Variants in CENPP observed in about 807,000 individuals in gnomAD.
CENPP encodes centromere protein P.
A neutral mutation model predicts 35.6 loss-of-function variants in CENPP; 24 were observed. The ratio of observed to expected loss-of-function variants is 0.67; its 90% CI spans 0.49 to 0.95. The LOEUF (loss-of-function observed/expected upper bound fraction) is 0.95, where lower values mean the gene tolerates loss of function less well. CENPP is among the 40% of genes least tolerant of loss of function. The probability of loss-of-function intolerance (pLI) is 0.00; values close to 1 mark genes in which losing one functional copy is unlikely to be tolerated. For synonymous variants in CENPP, 120 were observed against 125.5 expected (o/e 0.96, Z 0.29); for missense variants, 332 against 345.3 (o/e 0.96, Z 0.31).
intron 5 of CENPP, among the ~76,000 whole-genome samples, chr9:92,567,373 G>GATAGATATATATATATAT (rs1554688237): frequency 1.5e-5 from 2 of 129,086 alleles, no homozygotes; most frequent in South Asian, 2.8e-4. Context: ...ACATAAGATA[G>GATAGATATATATATATAT]ATATATATAT....
chr9:92,505,824 C>G (rs1211700692), intron 5 of CENPP: 1 of 687,336 alleles, frequency 1.5e-6, no homozygotes, highest in Non-Finnish European at 2.4e-6. Context: ...CCTTTGTATC[C>G]TCCTATAAAA....
chr9:92,543,965 G>C (rs1229515353), intron 5 of CENPP, among the ~76,000 whole-genome samples: 1 of 152,100 alleles, frequency 6.6e-6, no homozygotes, highest in Non-Finnish European at 1.5e-5. Flanking sequence ...CTCTATATAA[G>C]ATGTCATCTG....
At chr9:92,423,798 A>G (rs925968558) in intron 5 of CENPP, among the ~76,000 whole-genome samples, 2 of 152,024 alleles carry the variant, frequency 1.3e-5, no homozygotes, top group African/African-American at 4.8e-5. Flanking sequence ...ATGCCCATCA[A>G]CCCCCCAACC....
At chr9:92,393,073 C>T in intron 5 of CENPP, 2 of 1,608,290 alleles carry the variant, frequency 1.2e-6, no homozygotes, top group South Asian at 1.1e-5. Flanking sequence ...TATCATATTT[C>T]AGCTTAACTT....
At chr9:92,344,162 C>G (rs570048804) in intron 3 of CENPP, among the ~76,000 whole-genome samples, 7 of 152,092 alleles carry the variant, frequency 4.6e-5, no homozygotes, top group South Asian at 2.1e-4. Context: ...TATTTACCAA[C>G]TGGGGAGAAT....
At chr9:92,372,788 CACT>C (rs919340575) in intron 4 of CENPP, among the ~76,000 whole-genome samples, 93 of 151,970 alleles carry the variant, frequency 6.1e-4, no homozygotes, top group African/African-American at 2.2e-3. Flanking sequence ...CTGAGAAATC[CACT>C]GTTAGTCTGA....
At chr9:92,470,382 A>T (rs938850652) in intron 5 of CENPP, among the ~76,000 whole-genome samples, 2 of 152,244 alleles carry the variant, frequency 1.3e-5, no homozygotes, top group African/African-American at 2.4e-5. Context: ...ATTTTAATGT[A>T]TAGTGACTGT....
Position 92,617,647 on chromosome 9 carries a change from C to G in CENPP, c.*4498C>G, listed in dbSNP as rs778369962. The G allele has an allele frequency of 6.5e-6, 1 of 154,518 alleles. No homozygotes were observed. Among genetic ancestry groups the G allele is most frequent in the African/African-American group, 2.4e-5 (1 of 41,468 alleles). The allele number at this position is 154,518 out of a possible 1,614,324, so 9.6% of individuals were successfully genotyped here. ...GGGGGGCAGCCCTTGCCTGGAAGGCCGTTCTCCAGGACACTGACCCGCTGG... is the reference window on the plus strand; with the variant it reads ...GGGGGGCAGCCCTTGCCTGGAAGGCGGTTCTCCAGGACACTGACCCGCTGG... On this transcript the variant is annotated 3_prime_UTR_variant, in exon 8 of 8. Transcript: ENST00000375587.
intron 5 of CENPP, among the ~76,000 whole-genome samples, chr9:92,397,183 C>A (rs1842925701): frequency 1.3e-5 from 2 of 151,888 alleles, no homozygotes; most frequent in Non-Finnish European, 1.5e-5. Context: ...TCTAAAAAAA[C>A]AAACAAACAA....
At chr9:92,459,831 T>C in intron 5 of CENPP, 1 of 1,486,458 alleles carries the variant, frequency 6.7e-7, no homozygotes, top group Non-Finnish European at 9.3e-7. Context: ...TAGAGTTAGC[T>C]GAAAACACCG....
chr9:92,570,518 G>A (rs375600508), intron 5 of CENPP, among the ~76,000 whole-genome samples: 6,067 of 152,188 alleles, frequency 0.04, 186 homozygotes, highest in South Asian at 0.099. Flanking sequence ...ATGTTCATCA[G>A]GGATATTGGT....
chr9:92,326,132 G>A, intron 1 of CENPP, 27 bp downstream of exon 1: 2 of 1,443,280 alleles, frequency 1.4e-6, no homozygotes, highest in Non-Finnish European at 1.9e-6. Flanking sequence ...AGTCCCCCAG[G>A]GCCCGCTGGC....
At chr9:92,558,709 A>G (rs184415850) in intron 5 of CENPP, among the ~76,000 whole-genome samples, 98 of 152,256 alleles carry the variant, frequency 6.4e-4, no homozygotes, top group African/African-American at 2.2e-3. Flanking sequence ...TCCCAAGACT[A>G]TAGGCCCTTT....
intron 5 of CENPP, among the ~76,000 whole-genome samples, chr9:92,504,915 C>T (rs1311234627): frequency 6.6e-6 from 1 of 152,180 alleles, no homozygotes; most frequent in African/African-American, 2.4e-5. Context: ...CATCCTGCAG[C>T]AAGGAGACCA....
intron 5 of CENPP, among the ~76,000 whole-genome samples, chr9:92,445,201 A>C (rs2131010366): frequency 6.6e-6 from 1 of 152,270 alleles, no homozygotes; most frequent in African/African-American, 2.4e-5. Context: ...CTGGGCTTCC[A>C]GAGGCCTCTG....
chr9:92,533,434 C>T (rs1848983136), intron 5 of CENPP, among the ~76,000 whole-genome samples: 1 of 145,590 alleles, frequency 6.9e-6, no homozygotes, highest in South Asian at 2.3e-4. Context: ...GTTTGTTTCT[C>T]TCTGTCCTCC....
At chr9:92,430,710 T>C (rs1844085759) in intron 5 of CENPP, among the ~76,000 whole-genome samples, 1 of 152,164 alleles carries the variant, frequency 6.6e-6, no homozygotes, top group Admixed American at 6.5e-5. Context: ...TAGTTACTTC[T>C]GCATTTGCTG....
chr9:92,582,030 G>GTGTTTTGTTTGGTTT (rs1554690207), intron 5 of CENPP, among the ~76,000 whole-genome samples: 12 of 149,528 alleles, frequency 8.0e-5, no homozygotes, highest in African/African-American at 3.0e-4. Context: ...ACACTTGGTG[G>GTGTTTTGTTTGGTTT]TGTTTTGTTT....
At chr9:92,537,072 C>T (rs1849198304) in intron 5 of CENPP, among the ~76,000 whole-genome samples, 1 of 151,480 alleles carries the variant, frequency 6.6e-6, no homozygotes, top group Non-Finnish European at 1.5e-5. Context: ...GATGGGGTTT[C>T]ACCATGTTGG....
Sources: allele counts gnomAD v4.1 joint callset (sites outside exome capture counted in the v4.1 genomes callset), GRCh38; gene constraint gnomAD v4.1.1; transcripts MANE v1.5; gene names NCBI Gene and HGNC (gene_info 2026-07-23, HGNC 2026-07-21).